Variants in RBFOX1 observed in about 807,000 individuals in gnomAD.
RBFOX1 encodes the protein RNA binding protein fox-1 homolog 1.
A neutral mutation model predicts 57.7 loss-of-function variants in RBFOX1; 8 were observed. The observed-to-expected ratio is 0.14, with a 90% CI of 0.08 to 0.25. The LOEUF is 0.25. RBFOX1 is among the 10% of genes least tolerant of loss of function. The pLI, the probability that RBFOX1 is intolerant of heterozygous loss-of-function variation, is 1.00. For synonymous variants in RBFOX1, 326 were observed against 222.4 expected, an observed-to-expected ratio of 1.47 and a Z score of -4.15; for missense variants, 611 against 548.5, an observed-to-expected ratio of 1.11 and a Z score of -1.14.
chr16:6,149,224 C>T (rs959367143), intron 1 of RBFOX1, among the ~76,000 whole-genome samples: 17 of 152,136 alleles, frequency 1.1e-4, no homozygotes, highest in Admixed American at 2.0e-4. Flanking sequence ...TGTGTGTGCG[C>T]GCGCGTGCGC....
intron 1 of RBFOX1, among the ~76,000 whole-genome samples, chr16:6,264,671 C>G (rs578141290): frequency 6.6e-6 from 1 of 152,288 alleles, no homozygotes; most frequent in South Asian, 2.1e-4. Flanking sequence ...CTTCAGTAAT[C>G]CGGATCACTG....
At chr16:5,934,074 G>T (rs2059121913) in intron 4 of RBFOX1, among the ~76,000 whole-genome samples, 1 of 152,216 alleles carries the variant, frequency 6.6e-6, no homozygotes, top group Non-Finnish European at 1.5e-5. Context: ...AGTTCACTAA[G>T]GATAATGGCC....
chr16:5,969,914 G>A (rs1253685884), intron 4 of RBFOX1, among the ~76,000 whole-genome samples: 2 of 151,996 alleles, frequency 1.3e-5, no homozygotes, highest in East Asian at 3.9e-4. Flanking sequence ...AGCAGAGTTT[G>A]GAGTCTTGGA....
intron 3 of RBFOX1, among the ~76,000 whole-genome samples, chr16:6,661,950 A>G (rs909914509): frequency 2.6e-5 from 4 of 152,340 alleles, no homozygotes; most frequent in Non-Finnish European, 4.4e-5. Context: ...TTATTTAGCC[A>G]TTGAAACGAA....
At chr16:6,497,236 A>C (rs530871917) in intron 2 of RBFOX1, among the ~76,000 whole-genome samples, 1 of 152,196 alleles carries the variant, frequency 6.6e-6, no homozygotes, top group African/African-American at 2.4e-5. Flanking sequence ...AGGCTGGAGA[A>C]AGAGGAGGAG....
chr16:6,808,611 T>C (rs146091863), intron 3 of RBFOX1, among the ~76,000 whole-genome samples: 2 of 152,244 alleles, frequency 1.3e-5, no homozygotes, highest in East Asian at 3.9e-4. Context: ...TAGTTGTTAT[T>C]TTAATGTAAA....
chr16:6,662,273 C>A (rs537177281), intron 3 of RBFOX1, among the ~76,000 whole-genome samples: 3 of 152,074 alleles, frequency 2.0e-5, no homozygotes, highest in Admixed American at 1.3e-4. Flanking sequence ...GAGAGTAGAT[C>A]TCAACTGTTC....
chr16:6,925,713 C>T (rs879257471), intron 3 of RBFOX1, among the ~76,000 whole-genome samples: 11 of 152,026 alleles, frequency 7.2e-5, no homozygotes, highest in Admixed American at 5.9e-4. Flanking sequence ...GTAGTAAATA[C>T]ATCAAAGTTG....
intron 4 of RBFOX1, among the ~76,000 whole-genome samples, chr16:5,974,463 A>T (rs2060022426): frequency 6.6e-6 from 1 of 151,596 alleles, no homozygotes; most frequent in South Asian, 2.1e-4. Flanking sequence ...ACAAAAAATT[A>T]GCTGGCCGTG....
intron 3 of RBFOX1, among the ~76,000 whole-genome samples, chr16:5,853,196 C>A (rs1477555213): frequency 1.3e-5 from 2 of 151,916 alleles, no homozygotes; most frequent in African/African-American, 2.4e-5. Context: ...AAGTTTGGAG[C>A]CTCAGCCTTG....
chr16:7,433,133 G>C (rs978422043), intron 4 of RBFOX1, among the ~76,000 whole-genome samples: 2 of 152,196 alleles, frequency 1.3e-5, no homozygotes, highest in South Asian at 2.1e-4. Flanking sequence ...CCCCAACCAA[G>C]TACTCAAACT....
At chr16:6,345,440 A>C (rs2085229549) in intron 2 of RBFOX1, among the ~76,000 whole-genome samples, 1 of 152,194 alleles carries the variant, frequency 6.6e-6, no homozygotes. Context: ...TTGCCATGGC[A>C]GTGGTAAACC....
At chr16:5,349,894 G>A (rs914074345) in intron 1 of RBFOX1, among the ~76,000 whole-genome samples, 2 of 152,162 alleles carry the variant, frequency 1.3e-5, no homozygotes, top group East Asian at 3.9e-4. Flanking sequence ...AAACACATGT[G>A]CACCATCCAC....
At chr16:7,108,788 G>A (rs769230942) in intron 4 of RBFOX1, among the ~76,000 whole-genome samples, 3 of 152,120 alleles carry the variant, frequency 2.0e-5, no homozygotes, top group African/African-American at 2.4e-5. Flanking sequence ...CATGTATTAC[G>A]AGGCTCATGA....
intron 3 of RBFOX1, among the ~76,000 whole-genome samples, chr16:5,671,424 C>A (rs554060832): frequency 5.3e-5 from 8 of 152,146 alleles, no homozygotes; most frequent in Non-Finnish European, 1.2e-4. Flanking sequence ...TATATTTGTG[C>A]TGGAGATTAA....
chr16:5,392,513 T>C (rs2066440115), intron 1 of RBFOX1, among the ~76,000 whole-genome samples: 1 of 151,492 alleles, frequency 6.6e-6, no homozygotes, highest in South Asian at 2.1e-4. Flanking sequence ...GTATGTCTAA[T>C]GATATATATA....
intron 14 of RBFOX1, among the ~76,000 whole-genome samples, chr16:7,705,146 G>C (rs1199492638): frequency 2.0e-5 from 3 of 152,160 alleles, no homozygotes; most frequent in Non-Finnish European, 4.4e-5. Context: ...ATGAAAGTCA[G>C]GTGGAGGGTG....
chr16:5,573,986 C>G (rs1338051415), intron 2 of RBFOX1, among the ~76,000 whole-genome samples: 1 of 152,134 alleles, frequency 6.6e-6, no homozygotes, highest in Non-Finnish European at 1.5e-5. Flanking sequence ...AAAAATGAAA[C>G]AAGTCTGTTC....
intron 3 of RBFOX1, among the ~76,000 whole-genome samples, chr16:6,693,177 C>G (rs768761629): frequency 1.1e-4 from 16 of 146,602 alleles, no homozygotes; most frequent in Non-Finnish European, 2.4e-4. Flanking sequence ...ATCATCATCA[C>G]CATCATCCGC....
Sources: allele counts gnomAD v4.1 joint callset (sites outside exome capture counted in the v4.1 genomes callset), GRCh38; gene constraint gnomAD v4.1.1; transcripts MANE v1.5; gene names NCBI Gene and HGNC (gene_info 2026-07-23, HGNC 2026-07-21).